DCC: variants seen among roughly 807,000 people sequenced by gnomAD.
The protein encoded by DCC is netrin receptor DCC.
In DCC, 58 loss-of-function variants were observed where a neutral mutation model predicts 172.5. The observed-to-expected ratio is 0.34, with a 90% CI of 0.27 to 0.42. The LOEUF is 0.42. Ranked by LOEUF, DCC falls within the 10% of genes least tolerant of loss-of-function variation. DCC has a pLI of 1.00. For missense variants in DCC, 1,740 were observed against 1,791.0 expected, an observed-to-expected ratio of 0.97 and a Z score of 0.51; for synonymous variants, 709 against 644.5, an observed-to-expected ratio of 1.10 and a Z score of -1.52.
chr18:53,088,517 G>A (rs2042953346), intron 7 of DCC, among the ~76,000 whole-genome samples: 1 of 152,094 alleles, frequency 6.6e-6, no homozygotes, highest in Admixed American at 6.5e-5. Context: ...AGACAATGGG[G>A]TTTTCTAGAT....
chr18:53,148,239 G>A (rs892796596), intron 7 of DCC, among the ~76,000 whole-genome samples: 1 of 152,104 alleles, frequency 6.6e-6, no homozygotes, highest in East Asian at 1.9e-4. Flanking sequence ...GTTCTTCACC[G>A]GCAGAGGACA....
intron 1 of DCC, among the ~76,000 whole-genome samples, chr18:52,441,094 A>C (rs527857987): frequency 6.6e-6 from 1 of 152,368 alleles, no homozygotes; most frequent in East Asian, 1.9e-4. Context: ...ATAGTCAATA[A>C]TATCTTTCTA....
intron 15 of DCC, among the ~76,000 whole-genome samples, chr18:53,373,831 A>G (rs951032345): frequency 6.6e-6 from 1 of 152,176 alleles, no homozygotes; most frequent in African/African-American, 2.4e-5. Context: ...ATTAGGTCAT[A>G]TAGAAGGAAT....
chr18:52,649,217 CA>C (rs1449420179), intron 1 of DCC, among the ~76,000 whole-genome samples: 1 of 151,734 alleles, frequency 6.6e-6, no homozygotes, highest in Non-Finnish European at 1.5e-5. Context: ...ACTAAAAATA[CA>C]AAAAATTAGC....
At chr18:53,335,350 G>A (rs2057579898) in intron 14 of DCC, among the ~76,000 whole-genome samples, 1 of 152,070 alleles carries the variant, frequency 6.6e-6, no homozygotes, top group Admixed American at 6.6e-5. Flanking sequence ...CTTATGTTTT[G>A]TCTTTCCTCT....
intron 2 of DCC, among the ~76,000 whole-genome samples, chr18:52,756,256 G>A (rs746480637): frequency 6.6e-6 from 1 of 152,164 alleles, no homozygotes; most frequent in Non-Finnish European, 1.5e-5. Context: ...GGGAAGCAGC[G>A]CTGAACTTAT....
intron 21 of DCC, among the ~76,000 whole-genome samples, chr18:53,421,800 A>G (rs1209236143): frequency 6.6e-6 from 1 of 152,204 alleles, no homozygotes. Context: ...CTGAAGTTTT[A>G]AGGTTGGTAT....
chr18:52,583,347 T>A (rs557077624), intron 1 of DCC, among the ~76,000 whole-genome samples: 2 of 152,268 alleles, frequency 1.3e-5, no homozygotes, highest in African/African-American at 4.8e-5. Context: ...CAGAAATAAA[T>A]CTGCCTTTTT....
At chr18:53,522,664 G>A (rs1201435237) in intron 27 of DCC, among the ~76,000 whole-genome samples, 1 of 152,206 alleles carries the variant, frequency 6.6e-6, no homozygotes, top group African/African-American at 2.4e-5. Flanking sequence ...AAGCACCGGG[G>A]AAAGGATTCC....
intron 16 of DCC, 29 bp downstream of exon 16, chr18:53,386,167 C>T (rs371828466): frequency 8.0e-6 from 11 of 1,380,914 alleles, no homozygotes; most frequent in Admixed American, 6.7e-5. Context: ...CTTCCTCTGA[C>T]AAAGTATATT....
rs1045297764 is a variant in DCC, at chr18:53,532,757, T to C, written c.*2104T>C. ...TCCTGAGTGCTCAGTTTGGAATAGG[T>C]TGCAAATCTCAGATTTTAGGGATTG... On this transcript the variant is annotated 3_prime_UTR_variant, in exon 29 of 29. Coordinates refer to ENST00000442544, the MANE Select transcript of DCC (RefSeq NM_005215.4). 6.6e-6 allele frequency: 1 copy of C among 151,732 alleles called. No homozygotes were observed. Among genetic ancestry groups the C allele is most frequent in the South Asian group, 2.1e-4 (1 of 4,808 alleles). The allele number at this position is 151,732 out of a possible 1,614,324, so 9.4% of individuals were successfully genotyped here.
intron 9 of DCC, among the ~76,000 whole-genome samples, chr18:53,189,841 G>A (rs752006459): frequency 2.8e-4 from 42 of 152,214 alleles, no homozygotes; most frequent in Non-Finnish European, 5.1e-4. Context: ...TTGACCACAT[G>A]CTTGGATTTC....
chr18:53,081,015 A>G (rs1226249310), intron 7 of DCC, among the ~76,000 whole-genome samples: 2 of 152,096 alleles, frequency 1.3e-5, no homozygotes, highest in African/African-American at 4.8e-5. Context: ...AGGGTTATGC[A>G]TTAACATAAG....
chr18:52,900,881 G>C (rs527792496), intron 2 of DCC, among the ~76,000 whole-genome samples: 1 of 152,292 alleles, frequency 6.6e-6, no homozygotes, highest in South Asian at 2.1e-4. Context: ...TGTAAGCCCT[G>C]CAAAATCACC....
intron 2 of DCC, among the ~76,000 whole-genome samples, chr18:52,855,530 C>G (rs2039037996): frequency 6.6e-6 from 1 of 152,156 alleles, no homozygotes; most frequent in African/African-American, 2.4e-5. Context: ...ACAATAGTTG[C>G]AAGTTCACTT....
chr18:53,489,032 G>A (rs1202892193), intron 26 of DCC, among the ~76,000 whole-genome samples: 6 of 150,982 alleles, frequency 4.0e-5, no homozygotes, highest in East Asian at 3.9e-4. Context: ...GGTGGCATGC[G>A]CCTATAGTCC....
intron 13 of DCC, among the ~76,000 whole-genome samples, chr18:53,309,936 A>ACGTG (rs1298631741): frequency 5.0e-5 from 7 of 139,264 alleles, no homozygotes; most frequent in Non-Finnish European, 1.1e-4. Flanking sequence ...ATATATATAT[A>ACGTG]TATATATACA....
chr18:52,992,282 AAGCAG>A lies in DCC; in HGVS notation c.985+66914_985+66918del, dbSNP rs1289799266. Among the ~76,000 whole-genome samples the A allele has an allele frequency of 5.3e-5, 8 of 152,288 alleles. No individual in the cohort carries two copies. In the South Asian group the frequency reaches 1.0e-3, roughly 20 times the overall value. On this transcript the variant is annotated intron_variant, in intron 5 of 28. Transcript: ENST00000442544. Reference sequence around the variant, plus strand: ...CTCCCCCAAGTGTTTGCTATTTGATAAGCAGAATTAAATGCAATGTGTTGTGAAGA... The same window carrying A: ...CTCCCCCAAGTGTTTGCTATTTGATAAATTAAATGCAATGTGTTGTGAAGA...
chr18:53,107,684 T>A (rs1017583346), intron 7 of DCC, among the ~76,000 whole-genome samples: 1 of 151,816 alleles, frequency 6.6e-6, no homozygotes, highest in African/African-American at 2.4e-5. Context: ...GGTGACCATG[T>A]GTTACTTACC....
Sources: gnomAD v4.1 joint callset for allele counts (sites outside exome capture counted in the v4.1 genomes callset) on GRCh38, gnomAD v4.1.1 for gene constraint, MANE v1.5 for transcripts, NCBI Gene and HGNC (gene_info 2026-07-23, HGNC 2026-07-21) for gene names.